The following DNMT3A variants were observed in gnomAD, a reference collection of about 807,000 sequenced individuals.
DNMT3A encodes the protein DNA methyltransferase 3 alpha.
DNMT3A carries 267 observed loss-of-function variants against 117.6 expected under a neutral mutation model. That is an observed-to-expected ratio of 2.27 (90% CI 2.05 to 2.51). The LOEUF is 2.51. Among genes scored for constraint, DNMT3A ranks in the 30% most tolerant of loss-of-function variants. DNMT3A has a pLI of 0.00. For missense variants in DNMT3A, 1,029 were observed against 1,260.2 expected (o/e 0.82, Z 2.78); for synonymous variants, 432 against 474.8 (o/e 0.91, Z 1.17).
At chr2:25,260,131 T>A (rs1387552938) in intron 6 of DNMT3A, among the ~76,000 whole-genome samples, 1 of 152,354 alleles carries the variant, frequency 6.6e-6, no homozygotes, top group East Asian at 1.9e-4. Context: ...TGGCCCAGGT[T>A]TAAACAAAAT....
In DNMT3A at chr2:25,229,490, C is replaced by G. The variant is rs1230968618; in HGVS notation, c.*4789G>C. 6.6e-6 allele frequency: 1 copy of G among 152,246 alleles called. No homozygotes were observed. Among genetic ancestry groups the G allele is most frequent in the Admixed American group, 6.5e-5 (1 of 15,280 alleles). 9.4% of individuals were successfully genotyped at this position (152,246 alleles called of 1,614,324 possible). On this transcript the variant is annotated 3_prime_UTR_variant, in exon 23 of 23. Transcript: ENST00000321117. Reference sequence around the variant, plus strand: ...TCTAGTCTCCAGCACTGAGAGCAGGCAGCGTGGAGAATACGCAATGACAAA... The same window carrying G: ...TCTAGTCTCCAGCACTGAGAGCAGGGAGCGTGGAGAATACGCAATGACAAA...
intron 6 of DNMT3A, among the ~76,000 whole-genome samples, chr2:25,269,195 G>A (rs1298930017): frequency 6.6e-6 from 1 of 152,174 alleles, no homozygotes; most frequent in Non-Finnish European, 1.5e-5. Context: ...GGTGGTGCGT[G>A]CCTGTAATTC....
intron 1 of DNMT3A, among the ~76,000 whole-genome samples, chr2:25,330,681 C>T (rs75541104): frequency 6.6e-6 from 1 of 152,212 alleles, no homozygotes; most frequent in South Asian, 2.1e-4. Flanking sequence ...TATCCCCTGG[C>T]ACACTGAGCC....
rs575296643 is a variant in DNMT3A, at chr2:25,270,917, G to A, written c.639+4024C>T. Among the ~76,000 whole-genome samples the A allele has an allele frequency of 6.7e-4, 102 of 152,272 alleles. 1 individual carries two copies. The South Asian group carries it at 0.02, about 29-fold the overall frequency. The stretch of plus-strand genomic sequence containing the variant: ...TGCACGCCTGTAATCCCAGCTACTC[G>A]GGAGGCTGAGGCAGGAGAATCGCTT... On this transcript the variant is annotated intron_variant, in intron 6 of 22. Coordinates refer to ENST00000321117, the MANE Select transcript of DNMT3A (RefSeq NM_022552.5).
chr2:25,242,021 T>A, intron 16 of DNMT3A: 1 of 380,768 alleles, frequency 2.6e-6, no homozygotes, highest in South Asian at 3.2e-5. Context: ...TTCTTTGTTG[T>A]TGTCCGTCTA....
rs1402705749 is a variant in DNMT3A, at chr2:25,247,718, A to T, written c.887T>A (p.Val296Glu). 1.2e-6 allele frequency: 2 copies of T among 1,612,694 alleles called. No homozygotes were observed. The highest frequency in any genetic ancestry group is 1.7e-6 in the Non-Finnish European group (2 of 1,179,874). The part of the protein sequence containing the change: ...DGRGFGIGEL[V>E]WGKLRGFSWW... ...GGAGAAGCCCCGCAGTTTCCCCCAC[A>T]CCAGCTCCCCAATGCCAAAGCCCCG... Residue 296 changes from valine (V) to glutamate (E), a missense_variant, in exon 8 of 23, where the codon GTG (valine) becomes GAG (glutamate). By Grantham distance (121) the Val-to-Glu change is moderately radical. Transcript: ENST00000321117. This position sits in a 1 kb window ranked among gnomAD's most constrained non-coding sequence, Gnocchi z 5.6.
chr2:25,259,081 C>CTAAT (rs1676396079), intron 6 of DNMT3A, among the ~76,000 whole-genome samples: 1 of 152,256 alleles, frequency 6.6e-6, no homozygotes, highest in South Asian at 2.1e-4. Context: ...CTACACTTCC[C>CTAAT]TAATGGTGTA....
chr2:25,335,399 G>A (rs913847293), intron 1 of DNMT3A, among the ~76,000 whole-genome samples: 2 of 152,240 alleles, frequency 1.3e-5, no homozygotes, highest in East Asian at 1.9e-4. Flanking sequence ...GTCTCCCGGG[G>A]TCCTCCAGGG....
intron 6 of DNMT3A, among the ~76,000 whole-genome samples, chr2:25,249,327 G>C (rs1284266425): frequency 6.6e-6 from 1 of 152,142 alleles, no homozygotes; most frequent in Non-Finnish European, 1.5e-5. Flanking sequence ...TTCTAGTTTT[G>C]TGATGTCTGC....
chr2:25,252,061 G>C lies in DNMT3A; in HGVS notation c.640-3809C>G, dbSNP rs969834140. 8.5e-5 allele frequency: 103 copies of C among 1,217,708 alleles called. No homozygotes were observed. Among genetic ancestry groups the C allele is most frequent in the Non-Finnish European group, 1.1e-4 (98 of 888,012 alleles). The allele number at this position is 1,217,708 out of a possible 1,614,324, so 75.4% of individuals were successfully genotyped here. A position where few individuals can be genotyped will look rare whatever the true frequency, so the allele number is the denominator to read the frequency against. On this transcript the variant is annotated intron_variant, in intron 6 of 22. Coordinates refer to ENST00000321117, the MANE Select transcript of DNMT3A (RefSeq NM_022552.5). This position sits in a 1 kb window ranked among gnomAD's most constrained non-coding sequence, Gnocchi z 5.5. ...GCATCTCCAGAACTCGGGCCAGGCC[G>C]GGACGCCGCGGCTGCTGCGGGCCGG...
chr2:25,341,280 C>T (rs1274714067), intron 1 of DNMT3A, among the ~76,000 whole-genome samples: 1 of 144,680 alleles, frequency 6.9e-6, no homozygotes, highest in Non-Finnish European at 1.5e-5. Context: ...GGAGCCTGCG[C>T]GGGGCCCGGC....
Position 25,235,687 on chromosome 2 carries a change from T to A in DNMT3A, c.2597+20A>T, listed in dbSNP as rs768066151. 6.2e-7 allele frequency: 1 copy of A among 1,600,530 alleles called. No homozygotes were observed. Among genetic ancestry groups the A allele is most frequent in the South Asian group, 1.1e-5 (1 of 90,746 alleles). Reference sequence around the variant, plus strand: ...TCAGAACAGCCACACCGCAGCCAGATGCCAGCACAACCCGGGTACCTTTCC... The same window carrying A: ...TCAGAACAGCCACACCGCAGCCAGAAGCCAGCACAACCCGGGTACCTTTCC... On this transcript the variant is annotated intron_variant, in intron 22 of 22. Transcript: ENST00000321117.
chr2:25,267,877 C>T (rs528328236), intron 6 of DNMT3A, among the ~76,000 whole-genome samples: 3 of 152,294 alleles, frequency 2.0e-5, no homozygotes, highest in African/African-American at 7.2e-5. Flanking sequence ...AACAAGCTGG[C>T]GAGTGCTGCT....
chr2:25,293,761 T>G lies in DNMT3A; in HGVS notation c.177+6378A>C, dbSNP rs1173210902. ...ATCTCGGCTCACTGCAACCTCTGCC[T>G]GCCCAGGTTCAAGCGATTCTCGTGC... On this transcript the variant is annotated intron_variant, in intron 3 of 22. Transcript: ENST00000321117. This position sits in a 1 kb window ranked among gnomAD's most constrained non-coding sequence, Gnocchi z 4.7. 6.6e-6 allele frequency among the ~76,000 whole-genome samples: 1 copy of G among 152,226 alleles called. No homozygotes were observed. Among genetic ancestry groups the G allele is most frequent in the Admixed American group, 6.5e-5 (1 of 15,284 alleles).
intron 9 of DNMT3A, 72 bp downstream of exon 9, chr2:25,246,979 G>T: frequency 6.4e-7 from 1 of 1,551,986 alleles, no homozygotes; most frequent in South Asian, 1.2e-5. Context: ...GCTCAAGCCC[G>T]ACCTGCACTC....
At position 25,240,716 on chromosome 2, in the gene DNMT3A, G is replaced by T; in HGVS notation, c.2097C>A (p.Gly699=). The change falls in exon 18 of 23, where the codon GGC becomes GGA. Residue 699 remains glycine (G), a synonymous_variant. Transcript: ENST00000321117. The part of the protein sequence containing the change: ...SVTQKHIQEW[G]PFDLVIGGSP... Reference sequence around the variant, plus strand: ...TGCCCCCAATCACCAGATCGAATGGGCCCCACTCCTGGATCTGGGAGGATA... The same window carrying T: ...TGCCCCCAATCACCAGATCGAATGGTCCCCACTCCTGGATCTGGGAGGATA... The T allele has an allele frequency of 6.2e-7, 1 of 1,614,190 alleles. No homozygotes were observed. The highest frequency in any genetic ancestry group is 8.5e-7 in the Non-Finnish European group (1 of 1,180,032).
chr2:25,245,357 G>A (rs2149295630), intron 12 of DNMT3A, 25 bp from the exon 13 acceptor site: 3 of 1,607,350 alleles, frequency 1.9e-6, no homozygotes, highest in South Asian at 2.2e-5. Context: ...GAGGGGATGG[G>A]GTGAGTACCA....
chr2:25,282,606 T>G lies in DNMT3A; in HGVS notation c.283A>C (p.Lys95Gln). Residue 95 changes from lysine to glutamine, a missense_variant, in exon 4 of 23, where the codon AAG becomes CAG. Lys to Gln is a moderately conservative substitution (Grantham distance 53). Transcript: ENST00000321117. This position sits in a 1 kb window ranked among gnomAD's most constrained non-coding sequence, Gnocchi z 5.2. The stretch of plus-strand genomic sequence containing the variant: ...TCCTCTGGCTGGGGCTCACTCCGCT[T>G]CTCCAAGTCCCCATTGGGTAATAGC... ...SELLPNGDLE[K>Q]RSEPQPEEGS... 1.9e-6 allele frequency: 3 copies of G among 1,613,586 alleles called. No homozygotes were observed. The highest frequency in any genetic ancestry group is 2.5e-6 in the Non-Finnish European group (3 of 1,179,950).
At chr2:25,275,147 G>A in intron 5 of DNMT3A, 60 bp from the exon 6 acceptor site, 4 of 1,493,778 alleles carry the variant, frequency 2.7e-6, no homozygotes, top group Non-Finnish European at 3.6e-6. Context: ...CCACCAAGGA[G>A]GCACTCGCCT....
Sources: gnomAD v4.1 joint callset for allele counts (sites outside exome capture counted in the v4.1 genomes callset) on GRCh38, gnomAD v4.1.1 for gene constraint, Gnocchi (gnomAD v3.1) non-coding constraint, MANE v1.5 for transcripts, NCBI Gene and HGNC (gene_info 2026-07-23, HGNC 2026-07-21) for gene names.